The following KIF1B variants were observed in gnomAD, a reference collection of about 807,000 sequenced individuals.
KIF1B encodes kinesin family member 1B, also known as kinesin-like protein KIF1B.
KIF1B carries 76 observed loss-of-function variants against 241.9 expected under a neutral mutation model. That is an observed-to-expected ratio of 0.31 (90% CI 0.26 to 0.38). The LOEUF is 0.38. KIF1B is among the 10% of genes least tolerant of loss of function. The pLI is 1.00. For synonymous variants in KIF1B, 750 were observed against 796.7 expected (o/e 0.94, Z 0.99); for missense variants, 1,622 against 2,271.4 (o/e 0.71, Z 5.81).
At chr1:10,332,395 G>A (rs550717474) in intron 27 of KIF1B, among the ~76,000 whole-genome samples, 5 of 150,754 alleles carry the variant, frequency 3.3e-5, no homozygotes, top group Admixed American at 2.6e-4. Flanking sequence ...CCCATTCAGA[G>A]TCTCCTCTAA....
intron 32 of KIF1B, 99 bp from the exon 33 acceptor site, chr1:10,341,951 C>CAAAAAA: frequency 1.4e-6 from 1 of 693,122 alleles, no homozygotes; most frequent in African/African-American, 2.1e-5. Flanking sequence ...GACCTTGCCT[C>CAAAAAA]AAAAAAAAAA....
rs916703543 is a variant in KIF1B at position 10,311,285 on chromosome 1, G to T, written c.2116-8758G>T. Among the ~76,000 whole-genome samples, 17 of 149,522 alleles carry T rather than the reference G, an allele frequency of 1.1e-4. 1 individual carries two copies. The highest frequency in any genetic ancestry group is 4.3e-4 in the African/African-American group (17 of 39,818). ...GCTGGAGTGCAGTGGCACGATCTGA[G>T]CTTACTGCAACCTCTACCTTCCGGG... On this transcript the variant is annotated intron_variant, in intron 22 of 48. Transcript: ENST00000676179.
At chr1:10,288,438 C>T (rs946856332) in intron 15 of KIF1B, among the ~76,000 whole-genome samples, 1 of 152,172 alleles carries the variant, frequency 6.6e-6, no homozygotes, top group Non-Finnish European at 1.5e-5. Context: ...ATCATTTCTG[C>T]TGAGGACTGT....
At chr1:10,340,238 A>G in intron 32 of KIF1B, among the ~76,000 whole-genome samples, 1 of 152,254 alleles carries the variant, frequency 6.6e-6, no homozygotes, top group Non-Finnish European at 1.5e-5. Flanking sequence ...AAAAAATATC[A>G]AATACCTTCT....
chr1:10,223,853 T>C (rs906886300), intron 1 of KIF1B, among the ~76,000 whole-genome samples: 41 of 152,202 alleles, frequency 2.7e-4, no homozygotes, highest in Admixed American at 2.7e-3. Context: ...CTGAAGTTTT[T>C]ACCATGAGAC....
chr1:10,223,338 A>G (rs942682303), intron 1 of KIF1B, among the ~76,000 whole-genome samples: 1 of 152,186 alleles, frequency 6.6e-6, no homozygotes, highest in African/African-American at 2.4e-5. Flanking sequence ...TTGATTTCAG[A>G]CTTACATAAG....
intron 37 of KIF1B, among the ~76,000 whole-genome samples, chr1:10,352,283 T>C (rs1652822331): frequency 6.9e-6 from 1 of 144,202 alleles, no homozygotes; most frequent in Non-Finnish European, 1.5e-5. Context: ...TAGGTGAGAG[T>C]GGAATGGATT....
chr1:10,245,574 T>G (rs1647198797), intron 2 of KIF1B, among the ~76,000 whole-genome samples: 2 of 152,200 alleles, frequency 1.3e-5, no homozygotes, highest in Admixed American at 6.5e-5. Flanking sequence ...AAAGGAAGGA[T>G]CATTTTTCCT....
chr1:10,358,779 T>C, intron 38 of KIF1B, among the ~76,000 whole-genome samples: 1 of 152,070 alleles, frequency 6.6e-6, no homozygotes, highest in East Asian at 1.9e-4. Context: ...TATTAGAATA[T>C]GTCTTAAACC....
At position 10,311,771 on chromosome 1, in the gene KIF1B, G is replaced by A. The variant is rs1307978572; in HGVS notation, c.2116-8272G>A. Reference sequence around the variant, plus strand: ...TTCCAGCTGCTCCATCATGGTCTGTGGACACAGACCTTGGCTATTTCTATA... The same window carrying A: ...TTCCAGCTGCTCCATCATGGTCTGTAGACACAGACCTTGGCTATTTCTATA... On this transcript the variant is annotated intron_variant, in intron 22 of 48. Transcript: ENST00000676179. 2.6e-5 allele frequency among the ~76,000 whole-genome samples: 4 copies of A among 151,222 alleles called. 1 individual carries two copies. Among genetic ancestry groups the A allele is most frequent in the African/African-American group, 9.8e-5 (4 of 40,638 alleles).
At chr1:10,242,590 C>T (rs886378032) in intron 2 of KIF1B, among the ~76,000 whole-genome samples, 3 of 152,068 alleles carry the variant, frequency 2.0e-5, no homozygotes, top group African/African-American at 4.8e-5. Context: ...AATCTTGGCT[C>T]GCTGCAACCT....
chr1:10,221,484 A>G (rs1273354960), intron 1 of KIF1B, among the ~76,000 whole-genome samples: 1 of 152,204 alleles, frequency 6.6e-6, no homozygotes, highest in Non-Finnish European at 1.5e-5. Context: ...AAGAATAAAT[A>G]GTGACTACAT....
chr1:10,331,108 A>AC (rs1253805686), intron 27 of KIF1B, among the ~76,000 whole-genome samples: 1 of 151,516 alleles, frequency 6.6e-6, no homozygotes, highest in Non-Finnish European at 1.5e-5. Flanking sequence ...AAAAAAAAAA[A>AC]AGACATCAAA....
At chr1:10,285,860 A>G (rs1649665016) in intron 15 of KIF1B, among the ~76,000 whole-genome samples, 1 of 152,224 alleles carries the variant, frequency 6.6e-6, no homozygotes, top group Admixed American at 6.5e-5. Context: ...AAAATATTAT[A>G]ATGGAAAACA....
rs72867441 is a variant in KIF1B, at chr1:10,380,979, A to G, written c.*4392A>G. On this transcript the variant is annotated 3_prime_UTR_variant, in exon 49 of 49. Transcript: ENST00000676179. ...CCATAAGATCTTTAAAAAGCCTCCAATCATTTAAAGGAAGAAATCAGAGTT... is the reference window on the plus strand; with the variant it reads ...CCATAAGATCTTTAAAAAGCCTCCAGTCATTTAAAGGAAGAAATCAGAGTT... 0.036 allele frequency: 7,964 copies of G among 222,434 alleles called. 185 individuals are homozygous for G. The highest frequency in any genetic ancestry group is 0.095 in the Middle Eastern group (69 of 730). The allele number at this position is 222,434 out of a possible 1,614,324, so 13.8% of individuals were successfully genotyped here.
At chr1:10,217,164 G>T (rs1465924308) in intron 1 of KIF1B, among the ~76,000 whole-genome samples, 2 of 150,636 alleles carry the variant, frequency 1.3e-5, no homozygotes, top group East Asian at 3.9e-4. Context: ...AGTAGAGATG[G>T]GGTTTCACCG....
chr1:10,317,605 G>A (rs1315282749), intron 22 of KIF1B, among the ~76,000 whole-genome samples: 1 of 151,370 alleles, frequency 6.6e-6, no homozygotes, highest in Non-Finnish European at 1.5e-5. Flanking sequence ...GCCGAGGTGG[G>A]CGGATCACGA....
intron 2 of KIF1B, among the ~76,000 whole-genome samples, chr1:10,249,930 C>T (rs553198345): frequency 1.3e-5 from 2 of 152,266 alleles, no homozygotes; most frequent in South Asian, 2.1e-4. Flanking sequence ...AGAATTCTTA[C>T]ATTGTGCTTT....
chr1:10,361,892 G>T (rs1638434542), intron 40 of KIF1B, 67 bp downstream of exon 40: 1 of 1,564,312 alleles, frequency 6.4e-7, no homozygotes, highest in Non-Finnish European at 8.8e-7. Flanking sequence ...TAGTCCTTAA[G>T]TATTCTCGGC....
Sources: allele counts gnomAD v4.1 joint callset (sites outside exome capture counted in the v4.1 genomes callset), GRCh38; gene constraint gnomAD v4.1.1; transcripts MANE v1.5; gene names NCBI Gene and HGNC (gene_info 2026-07-23, HGNC 2026-07-21).